MAPK8IP2: variants seen among roughly 807,000 people sequenced by gnomAD.
MAPK8IP2 encodes mitogen-activated protein kinase 8 interacting protein 2.
MAPK8IP2 carries 15 observed loss-of-function variants against 75.6 expected under a neutral mutation model. That is an observed-to-expected ratio of 0.20 (90% CI 0.13 to 0.31). The LOEUF (loss-of-function observed/expected upper bound fraction) is 0.31, where lower values mean the gene tolerates loss of function less well. Among genes scored for constraint, MAPK8IP2 ranks in the 10% least tolerant of loss-of-function variants. The probability of loss-of-function intolerance (pLI) is 1.00; values close to 1 mark genes in which losing one functional copy is unlikely to be tolerated. For synonymous variants in MAPK8IP2, 632 were observed against 554.5 expected (o/e 1.14, Z -1.96); for missense variants, 1,089 against 1,211.2 (o/e 0.90, Z 1.50).
intron 2 of MAPK8IP2, 86 bp downstream of exon 2, chr22:50,601,980 G>C (rs1426660608): frequency 2.7e-6 from 3 of 1,124,936 alleles, no homozygotes; most frequent in Non-Finnish European, 4.0e-6. Flanking sequence ...TTTTAGGGTG[G>C]GTGTGAGCTC....
At chr22:50,606,446 G>A (rs955653743) in intron 8 of MAPK8IP2, among the ~76,000 whole-genome samples, 7 of 152,258 alleles carry the variant, frequency 4.6e-5, no homozygotes, top group Non-Finnish European at 7.3e-5. Flanking sequence ...GGAAGATGAA[G>A]CAAGCTGACT....
Position 50,604,779 on chromosome 22 carries a change from A to ACGGGCC in MAPK8IP2, c.1482_1487dup (p.Gly495_Pro496dup), listed in dbSNP as rs1569065057. ...TGCGGGGTCCCCCGGGGGCAGGGGC[A>ACGGGCC]CGGGCCCCTCGGCGCCGCGGGACGC... On this transcript the variant is annotated inframe_insertion, in exon 5 of 12. Transcript: ENST00000329492. 6.5e-7 allele frequency: 1 copy of ACGGGCC among 1,545,818 alleles called. No homozygotes were observed. Among genetic ancestry groups the ACGGGCC allele is most frequent in the East Asian group, 2.4e-5 (1 of 40,884 alleles).
rs2071066364 is a variant in MAPK8IP2, at chr22:50,607,113, C to A, written c.2303+122C>A. 2 of 756,998 alleles carry A rather than the reference C, an allele frequency of 2.6e-6. No individual in the cohort carries two copies. The highest frequency in any genetic ancestry group is 1.7e-5 in the African/African-American group (1 of 58,732). 46.9% of individuals were successfully genotyped at this position (756,998 alleles called of 1,614,324 possible). ...TGCCCAGCCCTGAGAGCTCCACCTG[C>A]ACCCACTTAGCTCTGTGAGCTGAGC... On this transcript the variant is annotated intron_variant, in intron 10 of 11. Transcript: ENST00000329492. This position sits in a 1 kb window ranked among gnomAD's most constrained non-coding sequence, Gnocchi z 5.6.
chr22:50,605,220 G>T, intron 5 of MAPK8IP2, 148 bp from the exon 6 acceptor site: 1 of 1,070,850 alleles, frequency 9.3e-7, no homozygotes, highest in Non-Finnish European at 1.4e-6. Flanking sequence ...GCATGAGGTG[G>T]CCTGCTCTGC....
At chr22:50,601,731 C>T in intron 1 of MAPK8IP2, 58 bp from the exon 2 acceptor site, 1 of 1,366,082 alleles carries the variant, frequency 7.3e-7, no homozygotes, top group Non-Finnish European at 1.0e-6. Context: ...TCCTCAGGGC[C>T]AGTTGCCAGG....
rs2071122211 is a variant in MAPK8IP2 at position 50,610,069 on chromosome 22, C to A, written c.2304-143C>A. The A allele has an allele frequency of 4.1e-6, 3 of 729,434 alleles. No individual in the cohort carries two copies. Among genetic ancestry groups the A allele is most frequent in the Non-Finnish European group, 7.4e-6 (3 of 406,648 alleles). 45.2% of individuals were successfully genotyped at this position (729,434 alleles called of 1,614,324 possible). A position where few individuals can be genotyped will look rare whatever the true frequency, so the allele number is the denominator to read the frequency against. On this transcript the variant is annotated intron_variant, in intron 10 of 11. Transcript: ENST00000329492. The surrounding 1 kb of genome is among the most constrained non-coding windows in gnomAD (Gnocchi z 4.3). ...AAACCAAAAAAAGACAACTTCAGAT[C>A]TTGAAATTGTGCGACCCCCACACTC...
intron 2 of MAPK8IP2, among the ~76,000 whole-genome samples, chr22:50,602,252 C>G (rs2070951086): frequency 6.6e-6 from 1 of 152,232 alleles, no homozygotes; most frequent in African/African-American, 2.4e-5. Context: ...AGCCCTGTGC[C>G]CTCGTCTGCA....
At chr22:50,601,917 A>C in intron 2 of MAPK8IP2, 23 bp downstream of exon 2, 1 of 1,586,852 alleles carries the variant, frequency 6.3e-7, no homozygotes, top group South Asian at 1.1e-5. Context: ...TTGGGGACAC[A>C]GATCCAGCTC....
intron 6 of MAPK8IP2, 54 bp downstream of exon 6, chr22:50,605,497 G>T (rs537716113): frequency 6.2e-7 from 1 of 1,609,560 alleles, no homozygotes; most frequent in Non-Finnish European, 8.5e-7. Flanking sequence ...CTGCCATCAC[G>T]GAACGCCAGT....
chr22:50,603,340 G>C lies in MAPK8IP2; in HGVS notation c.289G>C (p.Glu97Gln), dbSNP rs1350979998. The C allele has an allele frequency of 7.2e-7, 1 of 1,380,380 alleles. No individual in the cohort carries two copies. The highest frequency in any genetic ancestry group is 9.8e-7 in the Non-Finnish European group (1 of 1,025,548). The allele number at this position is 1,380,380 out of a possible 1,614,324, so 85.5% of individuals were successfully genotyped here. The change falls in exon 3 of 12, where the codon GAG (glutamate) becomes CAG (glutamine). Residue 97 changes from glutamate to glutamine, a missense_variant. Glu to Gln is a conservative substitution (Grantham distance 29, BLOSUM62 2). Transcript: ENST00000329492. ...AGAGGAGGACGATGAGGACGAGGAA[G>C]AGGAGGAGGAGGAGGAGGAGGGAGA... is the stretch of plus-strand genomic sequence containing the variant. ...NEEEDDEDEE[E>Q]EEEEEEGDGE...
intron 7 of MAPK8IP2, 42 bp downstream of exon 7, chr22:50,605,776 C>A: frequency 6.3e-7 from 1 of 1,598,862 alleles, no homozygotes; most frequent in Non-Finnish European, 8.5e-7. Flanking sequence ...ACCCCAGATC[C>A]TCCCCTGTGC....
Position 50,604,675 on chromosome 22 carries a change from C to T in MAPK8IP2, c.1376C>T (p.Pro459Leu), listed in dbSNP as rs1348375934. 20 of 1,519,752 alleles carry T rather than the reference C, an allele frequency of 1.3e-5. No homozygotes were observed. The highest frequency in any genetic ancestry group is 2.1e-4 in the Middle Eastern group (1 of 4,706). 94.1% of individuals were successfully genotyped at this position (1,519,752 alleles called of 1,614,324 possible). A position where few individuals can be genotyped will look rare whatever the true frequency, so the allele number is the denominator to read the frequency against. Reference sequence around the variant, plus strand: ...GCCGCGCCCGGCCGCGCCGCCCGCCCGGGACGAGCCTGCTCCGCCGCCTGC... The same window carrying T: ...GCCGCGCCCGGCCGCGCCGCCCGCCTGGGACGAGCCTGCTCCGCCGCCTGC... ...LWAAPGRAAR[P>L]GRACSAACSE... Residue 459 changes from proline (P) to leucine (L), a missense_variant, in exon 5 of 12, where the codon CCG becomes CTG. Physicochemically the swap from Pro to Leu is moderately conservative, Grantham distance 98. Transcript: ENST00000329492.
chr22:50,605,340 C>G, intron 5 of MAPK8IP2, 28 bp from the exon 6 acceptor site: 2 of 1,606,772 alleles, frequency 1.2e-6, no homozygotes, highest in African/African-American at 1.3e-5. Context: ...CCCTGTCTCC[C>G]CCGCCTCTGT....
In MAPK8IP2 at chr22:50,603,437, C is replaced by T. The variant is rs376914575; in HGVS notation, c.386C>T (p.Ser129Phe). 3.2e-6 allele frequency: 5 copies of T among 1,569,088 alleles called. No homozygotes were observed. Among genetic ancestry groups the T allele is most frequent in the Non-Finnish European group, 4.3e-6 (5 of 1,155,764 alleles). ...CCCGGGCCCCTTATCCCCTCCCCTT[C>T]CGTGGAGGAGCCCCACAAGCACCGG... is the stretch of plus-strand genomic sequence containing the variant. ...PAPGPLIPSP[S>F]VEEPHKHRPT... Residue 129 changes from serine to phenylalanine, a missense_variant, in exon 3 of 12, where the codon TCC (serine) becomes TTC (phenylalanine). Coordinates refer to ENST00000329492, the MANE Select transcript of MAPK8IP2 (RefSeq NM_012324.6).
Position 50,603,970 on chromosome 22 carries a change from C to T in MAPK8IP2, c.671C>T (p.Ser224Leu). 1 of 1,555,724 alleles carries T rather than the reference C, an allele frequency of 6.4e-7. No individual in the cohort carries two copies. The highest frequency in any genetic ancestry group is 8.6e-7 in the Non-Finnish European group (1 of 1,156,848). Reference protein sequence around the residue: ...PPAPGGTSPSSDPGIEADLRS... With the variant: ...PPAPGGTSPSLDPGIEADLRS... ...GCGCCAGGGGGGACTTCGCCCTCCT[C>T]AGATCCCGGCATCGAGGCTGACCTG... The change falls in exon 5 of 12, where the codon TCA becomes TTA. Residue 224 changes from serine (S) to leucine (L), a missense_variant. This residue lies in a region of MAPK8IP2 where 960 missense variants were observed against 1,009.6 expected (regional missense o/e 0.95). Transcript: ENST00000329492.
Position 50,610,263 on chromosome 22 carries a change from C to T in MAPK8IP2, c.2355C>T (p.His785=), listed in dbSNP as rs781495421. ...KHPLLSRFAC[H]VFVSQESMRP... ...CCCTGCTGAGCCGCTTCGCCTGCCACGTCTTTGTCTCCCAGGAGTCCATGA... is the reference window on the plus strand; with the variant it reads ...CCCTGCTGAGCCGCTTCGCCTGCCATGTCTTTGTCTCCCAGGAGTCCATGA... Residue 785 remains histidine, a synonymous_variant, in exon 11 of 12, where the codon CAC becomes CAT. Coordinates refer to ENST00000329492, the MANE Select transcript of MAPK8IP2 (RefSeq NM_012324.6). The surrounding 1 kb of genome is among the most constrained non-coding windows in gnomAD (Gnocchi z 4.3). 58 of 1,609,256 alleles carry T rather than the reference C, an allele frequency of 3.6e-5. No individual in the cohort carries two copies. The Middle Eastern group carries it at 4.9e-4, about 14-fold the overall frequency.
At position 50,600,888 on chromosome 22, in the gene MAPK8IP2, C is replaced by A. The variant is rs75209192; in HGVS notation, c.65+5C>A. 12 of 1,253,570 alleles carry A rather than the reference C, an allele frequency of 9.6e-6. No individual in the cohort carries two copies. The highest frequency in any genetic ancestry group is 3.0e-5 in the South Asian group (2 of 66,268). The allele number at this position is 1,253,570 out of a possible 1,614,324, so 77.7% of individuals were successfully genotyped here. A position where few individuals can be genotyped will look rare whatever the true frequency, so the allele number is the denominator to read the frequency against. ...GCTGTCGCCGCCGGGCTGCAGGTACCCCCCTCGGCGCCCGGGCCGGGCGGA... is the reference window on the plus strand; with the variant it reads ...GCTGTCGCCGCCGGGCTGCAGGTACACCCCTCGGCGCCCGGGCCGGGCGGA... On this transcript the variant is annotated splice_donor_5th_base_variant and intron_variant, in intron 1 of 11. Transcript: ENST00000329492.
rs371950435 is a variant in MAPK8IP2 at position 50,605,907 on chromosome 22, C to T, written c.2097C>T (p.Asn699=). The part of the protein sequence containing the change: ...GSVEVPCHQG[N]GILCAAMQKI... ...TGGAGGTGCCCTGCCACCAGGGCAA[C>T]GGCATCCTGTGTGCAGCCATGCAGA... Residue 699 remains asparagine (N), a synonymous_variant, in exon 8 of 12, where the codon AAC becomes AAT. Coordinates refer to ENST00000329492, the MANE Select transcript of MAPK8IP2 (RefSeq NM_012324.6). 2.1e-4 allele frequency: 330 copies of T among 1,582,506 alleles called. No homozygotes were observed. The highest frequency in any genetic ancestry group is 3.2e-4 in the East Asian group (14 of 43,128).
In MAPK8IP2 at chr22:50,605,418, G is replaced by A; in HGVS notation, c.1816G>A (p.Glu606Lys). 6.2e-7 allele frequency: 1 copy of A among 1,613,690 alleles called. No individual in the cohort carries two copies. Among genetic ancestry groups the A allele is most frequent in the Non-Finnish European group, 8.5e-7 (1 of 1,179,854 alleles). Residue 606 changes from glutamate (E) to lysine (K), a missense_variant, in exon 6 of 12, where the codon GAG (glutamate) becomes AAG (lysine). Physicochemically the swap from Glu to Lys is moderately conservative, Grantham distance 56 (BLOSUM62 1). This residue lies in a region of MAPK8IP2 where 960 missense variants were observed against 1,009.6 expected (regional missense o/e 0.95). Transcript: ENST00000329492. ...FSCLVNGEER[E>K]QTHRAVFRFI... Reference sequence around the variant, plus strand: ...CTGTCTGGTCAACGGCGAGGAGCGAGAGCAGACTCACCGGGCTGTGTTCAG... The same window carrying A: ...CTGTCTGGTCAACGGCGAGGAGCGAAAGCAGACTCACCGGGCTGTGTTCAG...
Sources: gnomAD v4.1 joint callset for allele counts (sites outside exome capture counted in the v4.1 genomes callset) on GRCh38, gnomAD v4.1.1 for gene constraint, gnomAD v4.1.1 regional missense constraint, Gnocchi (gnomAD v3.1) non-coding constraint, MANE v1.5 for transcripts, NCBI Gene and HGNC (gene_info 2026-07-23, HGNC 2026-07-21) for gene names.